The following PPP1R1C variants were observed in gnomAD, a reference collection of about 807,000 sequenced individuals.
PPP1R1C encodes the protein protein phosphatase 1 regulatory subunit 1C.
In PPP1R1C, 15 loss-of-function variants were observed where a neutral mutation model predicts 17.4. That is an observed-to-expected ratio of 0.86 (90% CI 0.58 to 1.33). The LOEUF (loss-of-function observed/expected upper bound fraction) is 1.33, where lower values mean the gene tolerates loss of function less well. Among genes scored for constraint, PPP1R1C ranks in the 40% most tolerant of loss-of-function variants. PPP1R1C has a pLI of 0.00. For synonymous variants in PPP1R1C, 35 were observed against 43.1 expected, an observed-to-expected ratio of 0.81 and a Z score of 0.73; for missense variants, 143 against 130.0, an observed-to-expected ratio of 1.10 and a Z score of -0.48.
At chr2:181,999,669 G>A (rs1685705160) in intron 2 of PPP1R1C, among the ~76,000 whole-genome samples, 1 of 151,202 alleles carries the variant, frequency 6.6e-6, no homozygotes, top group Non-Finnish European at 1.5e-5. Context: ...AAATGAGTTG[G>A]TTTTGAAGTG....
At chr2:182,061,749 A>G (rs1415773829) in intron 3 of PPP1R1C, among the ~76,000 whole-genome samples, 1 of 152,086 alleles carries the variant, frequency 6.6e-6, no homozygotes, top group Non-Finnish European at 1.5e-5. Context: ...ACTTCAATTT[A>G]TTGAGTGATT....
intron 5 of PPP1R1C, among the ~76,000 whole-genome samples, chr2:182,125,311 T>C (rs528479173): frequency 2.8e-4 from 42 of 152,310 alleles, no homozygotes; most frequent in African/African-American, 1.0e-3. Flanking sequence ...CAGTATTTTA[T>C]TGAGGGTTTT....
intron 1 of PPP1R1C, among the ~76,000 whole-genome samples, chr2:181,969,216 C>A (rs1684960160): frequency 6.6e-6 from 1 of 152,088 alleles, no homozygotes; most frequent in Admixed American, 6.5e-5. Context: ...CAGATAATTT[C>A]TTATTGCTAT....
At chr2:182,030,028 T>A (rs1189791505) in intron 2 of PPP1R1C, among the ~76,000 whole-genome samples, 1 of 112,118 alleles carries the variant, frequency 8.9e-6, no homozygotes, top group Non-Finnish European at 1.8e-5. Context: ...TTCTGCATTC[T>A]TCACGTAGTT....
At chr2:182,007,199 A>G (rs1685948619) in intron 2 of PPP1R1C, among the ~76,000 whole-genome samples, 1 of 152,140 alleles carries the variant, frequency 6.6e-6, no homozygotes, top group Admixed American at 6.5e-5. Flanking sequence ...TTGTGTTGAA[A>G]TTTAACAATT....
intron 4 of PPP1R1C, among the ~76,000 whole-genome samples, chr2:182,104,381 G>A (rs1559094519): frequency 6.6e-6 from 1 of 152,058 alleles, no homozygotes; most frequent in African/African-American, 2.4e-5. Context: ...TTGTTAAGTG[G>A]TTTTATCATC....
At chr2:182,015,622 G>T (rs994654810) in intron 2 of PPP1R1C, among the ~76,000 whole-genome samples, 11 of 152,088 alleles carry the variant, frequency 7.2e-5, no homozygotes. Flanking sequence ...TCAGTCAGCA[G>T]GTGATGAATC....
intron 2 of PPP1R1C, among the ~76,000 whole-genome samples, chr2:182,026,286 T>C (rs1464431267): frequency 7.6e-6 from 1 of 132,324 alleles, no homozygotes; most frequent in African/African-American, 2.9e-5. Context: ...TCCTTGCCCA[T>C]GCCTATGTCC....
chr2:182,073,825 G>A (rs970060171), intron 4 of PPP1R1C, among the ~76,000 whole-genome samples: 1 of 152,150 alleles, frequency 6.6e-6, no homozygotes, highest in Admixed American at 6.5e-5. Context: ...ACTGTGGGGT[G>A]GGGGCAGAAA....
intron 2 of PPP1R1C, among the ~76,000 whole-genome samples, chr2:181,978,317 T>C (rs13395564): frequency 0.055 from 8,309 of 152,242 alleles, 775 homozygotes; most frequent in African/African-American, 0.19. Context: ...CTGAATACCT[T>C]CTGGGTTCTG....
intron 2 of PPP1R1C, among the ~76,000 whole-genome samples, chr2:182,045,525 A>C (rs1356380401): frequency 6.6e-6 from 1 of 152,056 alleles, no homozygotes; most frequent in Admixed American, 6.6e-5. Context: ...ATAATCATCC[A>C]TATGTATTTA....
At chr2:181,959,608 A>G (rs1174600432) in intron 1 of PPP1R1C, among the ~76,000 whole-genome samples, 1 of 152,208 alleles carries the variant, frequency 6.6e-6, no homozygotes, top group Non-Finnish European at 1.5e-5. Flanking sequence ...TGACATCTGT[A>G]TGTATGTATA....
At chr2:181,982,697 T>G (rs954593715), upstream of PPP1R1C, among the ~76,000 whole-genome samples, 6 of 151,604 alleles carry the variant, frequency 4.0e-5, no homozygotes, top group Admixed American at 3.9e-4. Context: ...TCCAGGGAGG[T>G]AGGGGAGGCC....
intron 4 of PPP1R1C, among the ~76,000 whole-genome samples, chr2:182,068,863 G>A (rs1029097538): frequency 6.6e-6 from 1 of 152,136 alleles, no homozygotes; most frequent in African/African-American, 2.4e-5. Context: ...GGCAACATAG[G>A]TAAATTAACC....
intron 4 of PPP1R1C, among the ~76,000 whole-genome samples, chr2:182,067,711 T>A (rs962550187): frequency 2.6e-5 from 4 of 152,058 alleles, no homozygotes; most frequent in African/African-American, 4.8e-5. Flanking sequence ...ATATGCTGGA[T>A]GTATTTGGGA....
intron 2 of PPP1R1C, among the ~76,000 whole-genome samples, chr2:182,055,266 C>T (rs72893121): frequency 0.045 from 6,915 of 152,190 alleles, 253 homozygotes; most frequent in Non-Finnish European, 0.067. Flanking sequence ...AGTGTCTTTA[C>T]TTCCCTCTAA....
intron 4 of PPP1R1C, among the ~76,000 whole-genome samples, chr2:182,101,064 A>G (rs1689086218): frequency 6.6e-6 from 1 of 152,216 alleles, no homozygotes; most frequent in Admixed American, 6.5e-5. Flanking sequence ...TCGCCATCAT[A>G]AAGAACAAAT....
intron 2 of PPP1R1C, among the ~76,000 whole-genome samples, chr2:182,035,192 A>G (rs1686966844): frequency 6.6e-6 from 1 of 152,192 alleles, no homozygotes. Flanking sequence ...CATCCCCATC[A>G]TTGAATAGAG....
chr2:182,087,811 T>C (rs1013897593), intron 4 of PPP1R1C, among the ~76,000 whole-genome samples: 1 of 152,214 alleles, frequency 6.6e-6, no homozygotes, highest in African/African-American at 2.4e-5. Flanking sequence ...GTCCATAGTT[T>C]ATAATATCAT....
Sources: gnomAD v4.1 joint callset for allele counts (sites outside exome capture counted in the v4.1 genomes callset) on GRCh38, gnomAD v4.1.1 for gene constraint, MANE v1.5 for transcripts, NCBI Gene and HGNC (gene_info 2026-07-23, HGNC 2026-07-21) for gene names.